The following SMIM29 variants were observed in gnomAD, a reference collection of about 807,000 sequenced individuals.
SMIM29 encodes the protein small integral membrane protein 29, also known as uncharacterized protein C6orf1.
A neutral mutation model predicts 12.9 loss-of-function variants in SMIM29; 4 were observed. That is an observed-to-expected ratio of 0.31 (90% confidence interval 0.15 to 0.71). SMIM29 has a LOEUF of 0.71. SMIM29 is among the 30% of genes least tolerant of loss of function. The pLI, the probability that SMIM29 is intolerant of heterozygous loss-of-function variation, is 0.70. For synonymous variants in SMIM29, 50 were observed against 52.0 expected (o/e 0.96, Z 0.17); for missense variants, 122 against 138.1 (o/e 0.88, Z 0.58).
Position 34,247,496 on chromosome 6 carries a change from C to G in SMIM29, c.112-4G>C. 6.3e-7 allele frequency: 1 copy of G among 1,575,390 alleles called. No homozygotes were observed. The highest frequency in any genetic ancestry group is 2.3e-5 in the East Asian group (1 of 43,482). On this transcript the variant is annotated splice_region_variant and splice_polypyrimidine_tract_variant and intron_variant, in intron 2 of 4. Coordinates refer to ENST00000476320, the MANE Select transcript of SMIM29 (RefSeq NM_001008703.4). ...TTTTCTTCTGTACATACATTACCTG[C>G]AACAGAGACACAGCACTGTGGGGGC...
chr6:34,246,756 G>A lies in SMIM29; in HGVS notation c.*47C>T. ...AGGGGAAGCAGATGGCAGGGCCCCA[G>A]GCAGTCCAGGACCCCAGGCTCTGAA... On this transcript the variant is annotated 3_prime_UTR_variant, in exon 5 of 5. Transcript: ENST00000476320. 1 of 1,613,560 alleles carries A rather than the reference G, an allele frequency of 6.2e-7. No homozygotes were observed. Among genetic ancestry groups the A allele is most frequent in the South Asian group, 1.1e-5 (1 of 91,072 alleles).
intron 3 of SMIM29, 106 bp from the exon 4 acceptor site, chr6:34,247,255 T>C (rs781387786): frequency 1.9e-4 from 303 of 1,587,942 alleles, no homozygotes; most frequent in Non-Finnish European, 2.5e-4. Flanking sequence ...TTCCAGTGGG[T>C]GCCTTTTGGG....
In SMIM29 at chr6:34,246,706, C is replaced by G; in HGVS notation, c.*97G>C. On this transcript the variant is annotated 3_prime_UTR_variant, in exon 5 of 5. Coordinates refer to ENST00000476320, the MANE Select transcript of SMIM29 (RefSeq NM_001008703.4). ...GGAGGGAGAAATGGAGACCCAGCAC[C>G]CAGCAGGGGGAGCCAGGTGACAGCA... The G allele has an allele frequency of 2.5e-6, 4 of 1,613,808 alleles. No homozygotes were observed. Among genetic ancestry groups the G allele is most frequent in the Non-Finnish European group, 3.4e-6 (4 of 1,179,962 alleles).
chr6:34,247,620 C>T, intron 2 of SMIM29, 61 bp downstream of exon 2: 1 of 1,447,124 alleles, frequency 6.9e-7, no homozygotes, highest in South Asian at 1.5e-5. Context: ...CTGGACCAGG[C>T]CCACCCAGCC....
intron 2 of SMIM29, 60 bp downstream of exon 2, chr6:34,247,621 C>A: frequency 1.4e-6 from 2 of 1,446,802 alleles, no homozygotes; most frequent in Non-Finnish European, 1.8e-6. Flanking sequence ...TGGACCAGGC[C>A]CACCCAGCCC....
chr6:34,246,698 C>A lies in SMIM29; in HGVS notation c.*105G>T. ...GGGTGGGTGGAGGGAGAAATGGAGA[C>A]CCAGCACCCAGCAGGGGGAGCCAGG... is the stretch of plus-strand genomic sequence containing the variant. On this transcript the variant is annotated 3_prime_UTR_variant, in exon 5 of 5. Coordinates refer to ENST00000476320, the MANE Select transcript of SMIM29 (RefSeq NM_001008703.4). 1 of 1,613,750 alleles carries A rather than the reference C, an allele frequency of 6.2e-7. No homozygotes were observed. Among genetic ancestry groups the A allele is most frequent in the Admixed American group, 1.7e-5 (1 of 60,020 alleles).
chr6:34,248,490 TC>T, intron 1 of SMIM29: 1 of 983,746 alleles, frequency 1.0e-6, no homozygotes, highest in African/African-American at 1.7e-5. Flanking sequence ...GATGTCACCT[TC>T]CTCTTGTCTC....
intron 4 of SMIM29, 32 bp from the exon 5 acceptor site, chr6:34,246,900 G>A: frequency 6.3e-7 from 1 of 1,598,162 alleles, no homozygotes. Flanking sequence ...CACAAGGCTG[G>A]GCTGTGTTCC....
intron 1 of SMIM29, chr6:34,248,503 AC>A (rs2127552648): frequency 2.0e-6 from 2 of 984,010 alleles, no homozygotes; most frequent in East Asian, 2.3e-4. Flanking sequence ...TCTTGTCTCC[AC>A]CCGGGGCTCC....
At chr6:34,246,969 G>C in intron 4 of SMIM29, 75 bp downstream of exon 4, 1 of 1,610,102 alleles carries the variant, frequency 6.2e-7, no homozygotes, top group Non-Finnish European at 8.5e-7. Flanking sequence ...TCTGGTTTCA[G>C]TGTGGACGAG....
chr6:34,248,119 C>T, intron 1 of SMIM29: 1 of 985,428 alleles, frequency 1.0e-6, no homozygotes, highest in Non-Finnish European at 1.2e-6. Context: ...TGGGGCCCAG[C>T]TCAGATGCTG....
intron 2 of SMIM29, 24 bp from the exon 3 acceptor site, chr6:34,247,516 G>C (rs768192780): frequency 4.5e-6 from 7 of 1,565,150 alleles, no homozygotes; most frequent in Non-Finnish European, 6.1e-6. Context: ...ACAGCACTGT[G>C]GGGGCTGCTG....
At position 34,247,875 on chromosome 6, in the gene SMIM29, G is replaced by A; in HGVS notation, c.-73-11C>T. 7.9e-7 allele frequency: 1 copy of A among 1,259,166 alleles called. No individual in the cohort carries two copies. Among genetic ancestry groups the A allele is most frequent in the Non-Finnish European group, 1.0e-6 (1 of 1,004,948 alleles). 78.0% of individuals were successfully genotyped at this position (1,259,166 alleles called of 1,614,324 possible). A position where few individuals can be genotyped will look rare whatever the true frequency, so the allele number is the denominator to read the frequency against. ...CCTCCACTGGGCTCCCTGGGAAGGA[G>A]GAAGGGAGGTTATCAGTTGCACCCA... On this transcript the variant is annotated splice_polypyrimidine_tract_variant and intron_variant, in intron 1 of 4. Coordinates refer to ENST00000476320, the MANE Select transcript of SMIM29 (RefSeq NM_001008703.4).
At chr6:34,248,313 G>T in intron 1 of SMIM29, 1 of 985,414 alleles carries the variant, frequency 1.0e-6, no homozygotes, top group Middle Eastern at 5.2e-4. Flanking sequence ...GAAGGAGCCC[G>T]CTTCCATCCT....
At position 34,246,804 on chromosome 6, in the gene SMIM29, C is replaced by A; in HGVS notation, c.308G>T (p.Ter103LeuextTer68). Reference sequence around the variant, plus strand: ...GAAGGGTGGGGCAAGGGGGTCAGGTCACGTCTTGACATCCAGCAGTGGCAT... The same window carrying A: ...GAAGGGTGGGGCAAGGGGGTCAGGTAACGTCTTGACATCCAGCAGTGGCAT... ...KRMPLLDVKT[*>L] The change falls in exon 5 of 5, where the codon TGA becomes TTA. Residue 103 changes from the stop codon to leucine, a stop_lost. Transcript: ENST00000476320. The A allele has an allele frequency of 6.2e-7, 1 of 1,612,920 alleles. No individual in the cohort carries two copies. Among genetic ancestry groups the A allele is most frequent in the South Asian group, 1.1e-5 (1 of 91,072 alleles).
chr6:34,246,980 TATG>T (rs1762812004), intron 4 of SMIM29, 61 bp downstream of exon 4: 1 of 1,611,332 alleles, frequency 6.2e-7, no homozygotes, highest in Non-Finnish European at 8.5e-7. Context: ...TGTGGACGAG[TATG>T]GCTGGGAACA....
In SMIM29 at chr6:34,246,500, C is replaced by T. The variant is rs1280720669; in HGVS notation, c.*303G>A. On this transcript the variant is annotated 3_prime_UTR_variant, in exon 5 of 5. Transcript: ENST00000476320. ...CCTGCCTGGGGATTTGTGCCCAAGC[C>T]CAGCCCAGGAGGGCTAGAGAAAGCA... The T allele has an allele frequency of 1.3e-6, 2 of 1,524,426 alleles. No individual in the cohort carries two copies. Among genetic ancestry groups the T allele is most frequent in the Admixed American group, 4.3e-5 (2 of 46,264 alleles). 94.4% of individuals were successfully genotyped at this position (1,524,426 alleles called of 1,614,324 possible).
intron 1 of SMIM29, 90 bp downstream of exon 1, chr6:34,248,889 G>GC: frequency 1.0e-6 from 1 of 985,648 alleles, no homozygotes; most frequent in Non-Finnish European, 1.2e-6. Flanking sequence ...CGGATGGGCC[G>GC]CCCCGCGCCC....
At position 34,247,454 on chromosome 6, in the gene SMIM29, CAG is replaced by C; in HGVS notation, c.137+11_137+12del. 6.3e-7 allele frequency: 1 copy of C among 1,576,894 alleles called. No homozygotes were observed. Among genetic ancestry groups the C allele is most frequent in the Non-Finnish European group, 8.6e-7 (1 of 1,160,306 alleles). ...GTGTGGGGTTAGGGCGGGTGGGGGA[CAG>C]GGACACTCACCGCTTTTTCTTCTGT... On this transcript the variant is annotated intron_variant, in intron 3 of 4. Coordinates refer to ENST00000476320, the MANE Select transcript of SMIM29 (RefSeq NM_001008703.4).
Sources: gnomAD v4.1 joint callset for allele counts on GRCh38, gnomAD v4.1.1 for gene constraint, MANE v1.5 for transcripts, NCBI Gene and HGNC (gene_info 2026-07-23, HGNC 2026-07-21) for gene names.